Variants in SLC52A2 observed in about 807,000 individuals in gnomAD.
SLC52A2 encodes the protein solute carrier family 52, riboflavin transporter, member 2.
A neutral mutation model predicts 24.8 loss-of-function variants in SLC52A2; 16 were observed. That is an observed-to-expected ratio of 0.64 (90% confidence interval 0.44 to 0.98). SLC52A2 has a LOEUF of 0.98. Among genes scored for constraint, SLC52A2 ranks in the 50% least tolerant of loss-of-function variants. SLC52A2 has a pLI of 0.00. For missense variants in SLC52A2, 612 were observed against 575.9 expected (o/e 1.06, Z -0.64); for synonymous variants, 335 against 276.3 (o/e 1.21, Z -2.11).
At position 144,361,133 on chromosome 8, in the gene SLC52A2, C is replaced by A; in HGVS notation, c.*118C>A. The A allele has an allele frequency of 9.3e-7, 1 of 1,070,102 alleles. No homozygotes were observed. The highest frequency in any genetic ancestry group is 1.4e-6 in the Non-Finnish European group (1 of 724,734). 66.3% of individuals were successfully genotyped at this position (1,070,102 alleles called of 1,614,324 possible). A position where few individuals can be genotyped will look rare whatever the true frequency, so the allele number is the denominator to read the frequency against. ...ACCGGTACACTCGTGGACACCTACA[C>A]ACTCCATAGGAGATCCTGGCTTTCC... On this transcript the variant is annotated 3_prime_UTR_variant, in exon 5 of 5. Transcript: ENST00000643944.
rs782516139 is a variant in SLC52A2 at position 144,360,885 on chromosome 8, C to T, written c.1208C>T (p.Pro403Leu). The T allele has an allele frequency of 7.4e-6, 12 of 1,612,842 alleles. No homozygotes were observed. Among genetic ancestry groups the T allele is most frequent in the African/African-American group, 2.7e-5 (2 of 74,926 alleles). ...ASSLLHGGGR[P>L]ALLAAGVAIQ... ...TCCCTGCTGCATGGCGGGGGCCGGCCGGCATTGCTGGCAGCCGGCGTGGCC... is the reference window on the plus strand; with the variant it reads ...TCCCTGCTGCATGGCGGGGGCCGGCTGGCATTGCTGGCAGCCGGCGTGGCC... The change falls in exon 5 of 5, where the codon CCG (proline) becomes CTG (leucine). Residue 403 changes from proline to leucine, a missense_variant. Transcript: ENST00000643944.
At chr8:144,360,516 T>C in intron 3 of SLC52A2, 23 bp downstream of exon 3, 1 of 1,585,914 alleles carries the variant, frequency 6.3e-7, no homozygotes, top group Non-Finnish European at 8.5e-7. Flanking sequence ...CCCCAGCCCC[T>C]GTGCGGGTGG....
chr8:144,359,263 C>G lies in SLC52A2; in HGVS notation c.-31C>G. The G allele has an allele frequency of 6.3e-7, 1 of 1,594,414 alleles. No homozygotes were observed. The highest frequency in any genetic ancestry group is 8.5e-7 in the Non-Finnish European group (1 of 1,170,462). ...GAAAAGAACTGGCTGTGACCTTTGC[C>G]CTGACCTGGAAGGGCCCAGCCTTGG... On this transcript the variant is annotated 5_prime_UTR_variant, in exon 2 of 5. Transcript: ENST00000643944.
rs1554854464 is a variant in SLC52A2, at chr8:144,360,679, C to T, written c.1091C>T (p.Pro364Leu). The change falls in exon 4 of 5, where the codon CCC becomes CTC. Residue 364 changes from proline to leucine, a missense_variant. Coordinates refer to ENST00000643944, the MANE Select transcript of SLC52A2 (RefSeq NM_001363118.2). Reference sequence around the variant, plus strand: ...CTGGCAGTCCTGAGCCCCTGCCCGCCCCTGGTGGGCACCTCGGCGGGGGTG... The same window carrying T: ...CTGGCAGTCCTGAGCCCCTGCCCGCTCCTGGTGGGCACCTCGGCGGGGGTG... ...MALAVLSPCPPLVGTSAGVVL... is the reference protein window; with the variant it reads ...MALAVLSPCPLLVGTSAGVVL... 6.2e-7 allele frequency: 1 copy of T among 1,605,288 alleles called. No homozygotes were observed. Among genetic ancestry groups the T allele is most frequent in the Non-Finnish European group, 8.5e-7 (1 of 1,179,156 alleles).
Position 144,360,977 on chromosome 8 carries a change from C to T in SLC52A2, c.1300C>T (p.His434Tyr), listed in dbSNP as rs566858747. Residue 434 changes from histidine (H) to tyrosine (Y), a missense_variant, in exon 5 of 5, where the codon CAC (histidine) becomes TAC (tyrosine). His to Tyr is a moderately conservative substitution (Grantham distance 83). Transcript: ENST00000643944. ...CCCGACCAGCATCTATCACGTGTTCCACAGCAGAAAGGACTGTGCAGACCC... is the reference window on the plus strand; with the variant it reads ...CCCGACCAGCATCTATCACGTGTTCTACAGCAGAAAGGACTGTGCAGACCC... ...FPPTSIYHVF[H>Y]SRKDCADPCD... 1.6e-4 allele frequency: 262 copies of T among 1,613,566 alleles called. No homozygotes were observed. The South Asian group carries it at 2.7e-3, about 17-fold the overall frequency.
rs782089251 is a variant in SLC52A2 at position 144,359,721 on chromosome 8, G to A, written c.229G>A (p.Glu77Lys). 9.9e-6 allele frequency: 16 copies of A among 1,613,596 alleles called. 1 individual carries two copies. The highest frequency in any genetic ancestry group is 2.2e-5 in the East Asian group (1 of 44,890). Residue 77 changes from glutamate to lysine, a missense_variant, in exon 3 of 5, where the codon GAG becomes AAG. Transcript: ENST00000643944. ...GAGGAGGCTGGCCCCAGGAAAGGAC[G>A]AGCAGGTCCCCATCCGGGTGGTGCA... ...LWRRLAPGKD[E>K]QVPIRVVQVL...
In SLC52A2 at chr8:144,359,701, G is replaced by A. The variant is rs1818697851; in HGVS notation, c.209G>A (p.Arg70Lys). 6.2e-7 allele frequency: 1 copy of A among 1,613,716 alleles called. No individual in the cohort carries two copies. Among genetic ancestry groups the A allele is most frequent in the Non-Finnish European group, 8.5e-7 (1 of 1,180,014 alleles). The stretch of plus-strand genomic sequence containing the variant: ...CTGCTGGTGGTGACCCTCTGGAGGA[G>A]GCTGGCCCCAGGAAAGGACGAGCAG... ...LGLLVVTLWR[R>K]LAPGKDEQVP... is the part of the protein sequence containing the mutation. Residue 70 changes from arginine to lysine, a missense_variant, in exon 3 of 5, where the codon AGG (arginine) becomes AAG (lysine). Coordinates refer to ENST00000643944, the MANE Select transcript of SLC52A2 (RefSeq NM_001363118.2).
At position 144,361,036 on chromosome 8, in the gene SLC52A2, C is replaced by G. The variant is rs373369572; in HGVS notation, c.*21C>G. ...CCTGAGCCTGGGCAGGTGGGGACCC[C>G]GCTCCCCAACACCTGTCTTTCCCTC... On this transcript the variant is annotated 3_prime_UTR_variant, in exon 5 of 5. Transcript: ENST00000643944. 2 of 1,602,832 alleles carry G rather than the reference C, an allele frequency of 1.2e-6. No individual in the cohort carries two copies. Among genetic ancestry groups the G allele is most frequent in the Admixed American group, 3.3e-5 (2 of 59,770 alleles).
Position 144,360,928 on chromosome 8 carries a change from G to T in SLC52A2, c.1251G>T (p.Leu417=), listed in dbSNP as rs1554854628. 3 of 1,613,276 alleles carry T rather than the reference G, an allele frequency of 1.9e-6. No homozygotes were observed. Among genetic ancestry groups the T allele is most frequent in the Non-Finnish European group, 2.5e-6 (3 of 1,179,998 alleles). Residue 417 remains leucine, a synonymous_variant, in exon 5 of 5, where the codon CTG becomes CTT. Transcript: ENST00000643944. ...AAGVAIQVGS[L]LGAVAMFPPT... ...GCGTGGCCATCCAGGTGGGCTCTCT[G>T]CTCGGCGCTGTTGCTATGTTCCCCC...
At position 144,360,970 on chromosome 8, in the gene SLC52A2, C is replaced by T. The variant is rs184190914; in HGVS notation, c.1293C>T (p.His431=). The T allele has an allele frequency of 4.2e-5, 67 of 1,613,570 alleles. No individual in the cohort carries two copies. Among genetic ancestry groups the T allele is most frequent in the South Asian group, 2.2e-4 (20 of 91,090 alleles). Residue 431 remains histidine, a synonymous_variant, in exon 5 of 5, where the codon CAC becomes CAT. Transcript: ENST00000643944. ...VAMFPPTSIY[H]VFHSRKDCAD... is the part of the protein sequence containing the mutation. ...TGTTCCCCCCGACCAGCATCTATCA[C>T]GTGTTCCACAGCAGAAAGGACTGTG...
upstream of SLC52A2, chr8:144,358,564 A>G (rs1818589187): frequency 1.7e-6 from 2 of 1,195,164 alleles, no homozygotes; most frequent in African/African-American, 3.1e-5. Context: ...CCGGGGCGGG[A>G]CTTCCGGTCG....
In SLC52A2 at chr8:144,361,053, C is replaced by A. The variant is rs1186677601; in HGVS notation, c.*38C>A. 6.3e-7 allele frequency: 1 copy of A among 1,593,284 alleles called. No individual in the cohort carries two copies. Among genetic ancestry groups the A allele is most frequent in the Non-Finnish European group, 8.6e-7 (1 of 1,165,034 alleles). On this transcript the variant is annotated 3_prime_UTR_variant, in exon 5 of 5. Coordinates refer to ENST00000643944, the MANE Select transcript of SLC52A2 (RefSeq NM_001363118.2). ...GGGGACCCCGCTCCCCAACACCTGT[C>A]TTTCCCTCAATGCTGCCACCATGCC...
In SLC52A2 at chr8:144,359,677, T is replaced by G. The variant is rs782192446; in HGVS notation, c.185T>G (p.Leu62Arg). 20 of 1,613,688 alleles carry G rather than the reference T, an allele frequency of 1.2e-5. No homozygotes were observed. Among genetic ancestry groups the G allele is most frequent in the Non-Finnish European group, 1.6e-5 (19 of 1,180,008 alleles). Residue 62 changes from leucine (L) to arginine (R), a missense_variant, in exon 3 of 5, where the codon CTG (leucine) becomes CGG (arginine). Transcript: ENST00000643944. The stretch of plus-strand genomic sequence containing the variant: ...CTTGTGGCTCTGGGGAACCTGGGTC[T>G]GCTGGTGGTGACCCTCTGGAGGAGG... ...SVLVALGNLG[L>R]LVVTLWRRLA... is the part of the protein sequence containing the mutation.
Position 144,359,569 on chromosome 8 carries a change from C to T in SLC52A2, c.131-54C>T, listed in dbSNP as rs550744942. 5 of 1,602,528 alleles carry T rather than the reference C, an allele frequency of 3.1e-6. No homozygotes were observed. In the African/African-American group the frequency reaches 6.7e-5, roughly 21 times the overall value. On this transcript the variant is annotated intron_variant, in intron 2 of 4. Coordinates refer to ENST00000643944, the MANE Select transcript of SLC52A2 (RefSeq NM_001363118.2). ...GTGCCCAGGAAGGTGGGCTTTGGCACTCTTCCTCCCTTGGGCATCATGACC... is the reference window on the plus strand; with the variant it reads ...GTGCCCAGGAAGGTGGGCTTTGGCATTCTTCCTCCCTTGGGCATCATGACC...
rs562491872 is a variant in SLC52A2, at chr8:144,358,955, C to T, written c.-221C>T. On this transcript the variant is annotated 5_prime_UTR_variant, in exon 1 of 5. Transcript: ENST00000643944. Reference sequence around the variant, plus strand: ...GGGTGGTGGTGGCGTTGACTCCAGCCCCGCCTCTCCCTGGAGAGGAGGGCT... The same window carrying T: ...GGGTGGTGGTGGCGTTGACTCCAGCTCCGCCTCTCCCTGGAGAGGAGGGCT... 7 of 283,832 alleles carry T rather than the reference C, an allele frequency of 2.5e-5. No individual in the cohort carries two copies. The highest frequency in any genetic ancestry group is 1.2e-4 in the South Asian group (2 of 16,896). 17.6% of individuals were successfully genotyped at this position (283,832 alleles called of 1,614,324 possible). A position where few individuals can be genotyped will look rare whatever the true frequency, so the allele number is the denominator to read the frequency against.
intron 3 of SLC52A2, 47 bp from the exon 4 acceptor site, chr8:144,360,543 C>T (rs1193884215): frequency 1.9e-6 from 3 of 1,580,018 alleles, no homozygotes; most frequent in Admixed American, 1.7e-5. Context: ...GGGCTAGGAG[C>T]CAGGTCCTGG....
In SLC52A2 at chr8:144,360,997, A is replaced by G. The variant is rs189845609; in HGVS notation, c.1320A>G (p.Ala440=). 1.3e-4 allele frequency: 211 copies of G among 1,613,302 alleles called. 3 individuals are homozygous for G. In the East Asian group the frequency reaches 4.5e-3, roughly 35 times the overall value. The change falls in exon 5 of 5, where the codon GCA becomes GCG. Residue 440 remains alanine (A), a synonymous_variant. Transcript: ENST00000643944. The stretch of plus-strand genomic sequence containing the variant: ...TGTTCCACAGCAGAAAGGACTGTGC[A>G]GACCCCTGTGACTCCTGAGCCTGGG... ...YHVFHSRKDC[A]DPCDS is the part of the protein sequence containing the mutation.
rs1818782339 is a variant in SLC52A2, at chr8:144,360,350, C to T, written c.858C>T (p.Thr286=). 2 of 1,608,556 alleles carry T rather than the reference C, an allele frequency of 1.2e-6. No individual in the cohort carries two copies. The highest frequency in any genetic ancestry group is 1.7e-6 in the Non-Finnish European group (2 of 1,180,016). Reference sequence around the variant, plus strand: ...GCCTGCTGGGCCTGTTGGCCGCCACCAACGCGCTGACCAATGGCGTGCTGC... The same window carrying T: ...GCCTGCTGGGCCTGTTGGCCGCCACTAACGCGCTGACCAATGGCGTGCTGC... ...SACLLGLLAA[T]NALTNGVLPA... is the part of the protein sequence containing the mutation. Residue 286 remains threonine (T), a synonymous_variant, in exon 3 of 5, where the codon ACC becomes ACT. Coordinates refer to ENST00000643944, the MANE Select transcript of SLC52A2 (RefSeq NM_001363118.2).
chr8:144,359,889 C>CT lies in SLC52A2; in HGVS notation c.398dup (p.Pro134AlafsTer56), dbSNP rs782808339. On this transcript the variant is annotated frameshift_variant, in exon 3 of 5. Coordinates refer to ENST00000643944, the MANE Select transcript of SLC52A2 (RefSeq NM_001363118.2). LOFTEE classifies it high-confidence loss of function. Reference sequence around the variant, plus strand: ...ATGCTGTGCCTCGAATGTCACTTTCCTGCCCTTCTTGAGCCACCTGCCACC... The same window carrying CT: ...ATGCTGTGCCTCGAATGTCACTTTCCTTGCCCTTCTTGAGCCACCTGCCACC... 2 of 1,613,774 alleles carry CT rather than the reference C, an allele frequency of 1.2e-6. No homozygotes were observed. Among genetic ancestry groups the CT allele is most frequent in the Admixed American group, 3.3e-5 (2 of 60,018 alleles).
Sources: gnomAD v4.1 joint callset for allele counts on GRCh38, gnomAD v4.1.1 for gene constraint, MANE v1.5 for transcripts, NCBI Gene and HGNC (gene_info 2026-07-23, HGNC 2026-07-21) for gene names.